KCNH2: variants seen among roughly 807,000 people sequenced by gnomAD.
The protein encoded by KCNH2 is potassium voltage-gated channel subfamily H member 2.
Under a neutral mutation model 95.9 loss-of-function variants are expected in KCNH2, and 35 were observed. The ratio of observed to expected loss-of-function variants is 0.37; its 90% CI spans 0.28 to 0.48. KCNH2 has a LOEUF of 0.48. Ranked by LOEUF, KCNH2 falls within the 20% of genes least tolerant of loss-of-function variation. KCNH2 has a pLI of 0.99. For synonymous variants in KCNH2, 786 were observed against 754.7 expected (o/e 1.04, Z -0.68); for missense variants, 1,274 against 1,702.9 (o/e 0.75, Z 4.43).
chr7:150,945,648 G>T lies in KCNH2; in HGVS notation c.3331-134C>A. 1 of 940,270 alleles carries T rather than the reference G, an allele frequency of 1.1e-6. No individual in the cohort carries two copies. The highest frequency in any genetic ancestry group is 1.7e-6 in the Non-Finnish European group (1 of 600,918). The allele number at this position is 940,270 out of a possible 1,614,324, so 58.2% of individuals were successfully genotyped here. A position where few individuals can be genotyped will look rare whatever the true frequency, so the allele number is the denominator to read the frequency against. Reference sequence around the variant, plus strand: ...GGCCAAGAGGAGAGTCAGGTGGGCAGAGAAGCTGGAGGGGACAAGAGCCAA... The same window carrying T: ...GGCCAAGAGGAGAGTCAGGTGGGCATAGAAGCTGGAGGGGACAAGAGCCAA... On this transcript the variant is annotated intron_variant, in intron 14 of 14. Transcript: ENST00000262186. The surrounding 1 kb of genome is among the most constrained non-coding windows in gnomAD (Gnocchi z 5.6).
At chr7:150,971,864 T>C (rs186515235) in intron 2 of KCNH2, among the ~76,000 whole-genome samples, 1 of 152,062 alleles carries the variant, frequency 6.6e-6, no homozygotes. Flanking sequence ...GAGAAGGGAC[T>C]CTGTGAGGAC....
At chr7:150,973,061 C>G (rs2117056759) in intron 2 of KCNH2, among the ~76,000 whole-genome samples, 1 of 152,362 alleles carries the variant, frequency 6.6e-6, no homozygotes, top group African/African-American at 2.4e-5. Flanking sequence ...AGGTCCAAAG[C>G]AAGGCACGTT....
chr7:150,969,617 T>C (rs954870484), intron 2 of KCNH2, among the ~76,000 whole-genome samples: 1 of 152,198 alleles, frequency 6.6e-6, no homozygotes, highest in African/African-American at 2.4e-5. Flanking sequence ...CGCAGCACAC[T>C]GCCCACCCCA....
intron 2 of KCNH2, among the ~76,000 whole-genome samples, chr7:150,970,707 A>T (rs773684862): frequency 4.3e-4 from 65 of 152,330 alleles, no homozygotes; most frequent in Non-Finnish European, 8.4e-4. Context: ...GCAGCCCTGC[A>T]GATTCTCCCA....
At position 150,959,828 on chromosome 7, in the gene KCNH2, C is replaced by T. The variant is rs41311024; in HGVS notation, c.308-92G>A. 3,869 of 1,420,916 alleles carry T rather than the reference C, an allele frequency of 2.7e-3. 24 individuals carry two copies. The highest frequency in any genetic ancestry group is 0.022 in the Middle Eastern group (116 of 5,308). The allele number at this position is 1,420,916 out of a possible 1,614,324, so 88.0% of individuals were successfully genotyped here. A position where few individuals can be genotyped will look rare whatever the true frequency, so the allele number is the denominator to read the frequency against. ...ATGGACCCTGGAACCCAAGTGGGCC[C>T]GTCCACTTCTGCCTCCCCGTATGGC... On this transcript the variant is annotated intron_variant, in intron 2 of 14. Transcript: ENST00000262186.
Position 150,962,037 on chromosome 7 carries a change from G to A in KCNH2, c.308-2301C>T, listed in dbSNP as rs1172048268. Among the ~76,000 whole-genome samples, 1 of 152,134 alleles carries A rather than the reference G, an allele frequency of 6.6e-6. No homozygotes were observed. The highest frequency in any genetic ancestry group is 1.9e-4 in the East Asian group (1 of 5,186). On this transcript the variant is annotated intron_variant, in intron 2 of 14. Transcript: ENST00000262186. The surrounding 1 kb of genome is among the most constrained non-coding windows in gnomAD (Gnocchi z 5.7). ...CCGCCCGAGGGCCCTGAGCTCTGGG[G>A]CTCTGTCTGGGTCTCCCTGCAGCAG...
intron 1 of KCNH2, among the ~76,000 whole-genome samples, chr7:150,976,397 C>T (rs1244407375): frequency 6.6e-6 from 1 of 152,140 alleles, no homozygotes; most frequent in African/African-American, 2.4e-5. Context: ...GCCATCAATT[C>T]CAGGAGTCAG....
intron 1 of KCNH2, among the ~76,000 whole-genome samples, chr7:150,976,724 T>C (rs1801987378): frequency 6.7e-6 from 1 of 149,760 alleles, no homozygotes; most frequent in East Asian, 2.0e-4. Flanking sequence ...AGGGCTAGAA[T>C]CCAGCACCCC....
chr7:150,965,990 C>T (rs1044907088), intron 2 of KCNH2, among the ~76,000 whole-genome samples: 12 of 152,228 alleles, frequency 7.9e-5, no homozygotes, highest in Non-Finnish European at 1.2e-4. Flanking sequence ...AATTAAGGTG[C>T]CTTTTGATGA....
Position 150,947,457 on chromosome 7 carries a change from T to C in KCNH2, c.3023A>G (p.Gln1008Arg). The change falls in exon 13 of 15, where the codon CAG (glutamine) becomes CGG (arginine). Residue 1008 changes from glutamine to arginine, a missense_variant. Gln to Arg is a conservative substitution (Grantham distance 43). Transcript: ENST00000262186. Reference protein sequence around the residue: ...FSFWGDSRGRQYQELPRCPAP... With the variant: ...FSFWGDSRGRRYQELPRCPAP... ...GGGGCATCGAGGGAGCTCCTGGTAC[T>C]GGCGGCCCCGACTGTCCCCCCAGAA... The C allele has an allele frequency of 1.3e-6, 2 of 1,568,558 alleles. No individual in the cohort carries two copies. Among genetic ancestry groups the C allele is most frequent in the Non-Finnish European group, 1.7e-6 (2 of 1,157,362 alleles).
At position 150,945,191 on chromosome 7, in the gene KCNH2, C is replaced by G. The variant is rs1229066155; in HGVS notation, c.*174G>C. On this transcript the variant is annotated 3_prime_UTR_variant, in exon 15 of 15. Transcript: ENST00000262186. The surrounding 1 kb of genome is among the most constrained non-coding windows in gnomAD (Gnocchi z 5.6). ...GCCGGCCCTGCCCCTGCCCCTCTCA[C>G]TGGGGCCCAGGGGACTGCAGGAGAA... 4.1e-6 allele frequency: 3 copies of G among 725,250 alleles called. No individual in the cohort carries two copies. In the African/African-American group the frequency reaches 5.3e-5, roughly 13 times the overall value. 44.9% of individuals were successfully genotyped at this position (725,250 alleles called of 1,614,324 possible).
chr7:150,976,842 C>A (rs1249109349), intron 1 of KCNH2, among the ~76,000 whole-genome samples: 2 of 151,690 alleles, frequency 1.3e-5, no homozygotes, highest in African/African-American at 4.9e-5. Context: ...TCCACCCCCT[C>A]AGGATCATCT....
chr7:150,950,872 C>G (rs767761418), intron 8 of KCNH2, 49 bp downstream of exon 8: 2 of 1,583,724 alleles, frequency 1.3e-6, no homozygotes, highest in African/African-American at 2.7e-5. Flanking sequence ...CCTCTGCCAC[C>G]CCACTCTTCC....
In KCNH2 at chr7:150,945,829, A is replaced by G. The variant is rs1476022547; in HGVS notation, c.3331-315T>C. Among the ~76,000 whole-genome samples the G allele has an allele frequency of 6.6e-6, 1 of 152,204 alleles. No homozygotes were observed. Among genetic ancestry groups the G allele is most frequent in the Non-Finnish European group, 1.5e-5 (1 of 68,042 alleles). ...CGAGGGAATGTGGCCGCTGAGCCCAACCCAACCTGGAACAAGCAGTCTCTG... is the reference window on the plus strand; with the variant it reads ...CGAGGGAATGTGGCCGCTGAGCCCAGCCCAACCTGGAACAAGCAGTCTCTG... On this transcript the variant is annotated intron_variant, in intron 14 of 14. Coordinates refer to ENST00000262186, the MANE Select transcript of KCNH2 (RefSeq NM_000238.4). This position sits in a 1 kb window ranked among gnomAD's most constrained non-coding sequence, Gnocchi z 5.6.
intron 9 of KCNH2, chr7:150,949,777 T>C: frequency 8.3e-7 from 1 of 1,201,660 alleles, no homozygotes; most frequent in South Asian, 1.6e-5. Context: ...TTGCTTTGGA[T>C]GTGTCAAGGG....
At chr7:150,957,065 C>A (rs1801398534) in intron 5 of KCNH2, among the ~76,000 whole-genome samples, 1 of 152,192 alleles carries the variant, frequency 6.6e-6, no homozygotes. Flanking sequence ...CCATTCCCAG[C>A]CCTTTACCAG....
chr7:150,953,659 C>A (rs138653917), intron 5 of KCNH2, among the ~76,000 whole-genome samples: 1 of 152,350 alleles, frequency 6.6e-6, no homozygotes, highest in African/African-American at 2.4e-5. Context: ...CCGGTGACAG[C>A]AGGCACGTCC....
At position 150,947,474 on chromosome 7, in the gene KCNH2, C is replaced by T. The variant is rs1180428044; in HGVS notation, c.3006G>A (p.Gly1002=). Residue 1002 remains glycine (G), a synonymous_variant, in exon 13 of 15, where the codon GGG becomes GGA. Coordinates refer to ENST00000262186, the MANE Select transcript of KCNH2 (RefSeq NM_000238.4). Reference sequence around the variant, plus strand: ...CCTGGTACTGGCGGCCCCGACTGTCCCCCCAGAAGCTGAAAATGTTGGACA... The same window carrying T: ...CCTGGTACTGGCGGCCCCGACTGTCTCCCCAGAAGCTGAAAATGTTGGACA... The part of the protein sequence containing the change: ...SGVSNIFSFW[G]DSRGRQYQEL... The T allele has an allele frequency of 2.5e-6, 4 of 1,578,134 alleles. No individual in the cohort carries two copies. The Admixed American group carries it at 7.5e-5, about 29-fold the overall frequency.
chr7:150,955,489 G>T (rs199794297), intron 5 of KCNH2: 2 of 1,549,144 alleles, frequency 1.3e-6, no homozygotes, highest in Non-Finnish European at 8.7e-7. Flanking sequence ...TCGCCTTCCC[G>T]GCTGGGGCCG....
Sources: allele counts gnomAD v4.1 joint callset (sites outside exome capture counted in the v4.1 genomes callset), GRCh38; gene constraint gnomAD v4.1.1; non-coding constraint Gnocchi (gnomAD v3.1); transcripts MANE v1.5; gene names NCBI Gene and HGNC (gene_info 2026-07-23, HGNC 2026-07-21).